Variants in COPZ2 observed in about 807,000 individuals in gnomAD.
The protein encoded by COPZ2 is coat protein complex I subunit zeta 2.
COPZ2 carries 30 observed loss-of-function variants against 33.2 expected under a neutral mutation model. The observed-to-expected ratio is 0.90, with a 90% CI of 0.68 to 1.23. The LOEUF is 1.23. Among genes scored for constraint, COPZ2 ranks in the 50% most tolerant of loss-of-function variants. The pLI is 0.00. For missense variants in COPZ2, 263 were observed against 262.4 expected, an observed-to-expected ratio of 1.00 and a Z score of -0.02; for synonymous variants, 89 against 102.6, an observed-to-expected ratio of 0.87 and a Z score of 0.80.
rs2036852402 is a variant in COPZ2 at position 48,028,893 on chromosome 17, A to G, written c.546+232T>C. Reference sequence around the variant, plus strand: ...CCCCAGTCTATACTTCCTACCAGGAAAGAGGTGAGGTACTTGTGCTCCTAG... The same window carrying G: ...CCCCAGTCTATACTTCCTACCAGGAGAGAGGTGAGGTACTTGTGCTCCTAG... On this transcript the variant is annotated intron_variant, in intron 7 of 8. Coordinates refer to ENST00000621465, the MANE Select transcript of COPZ2 (RefSeq NM_016429.4). This position sits in a 1 kb window ranked among gnomAD's most constrained non-coding sequence, Gnocchi z 4.5. Among the ~76,000 whole-genome samples, 1 of 152,118 alleles carries G rather than the reference A, an allele frequency of 6.6e-6. No individual in the cohort carries two copies. The highest frequency in any genetic ancestry group is 6.5e-5 in the Admixed American group (1 of 15,278).
chr17:48,034,052 C>A (rs1166559500), intron 2 of COPZ2, 108 bp from the exon 3 acceptor site: 1 of 718,700 alleles, frequency 1.4e-6, no homozygotes, highest in Non-Finnish European at 2.5e-6. Flanking sequence ...ATCCTGCTTC[C>A]CTGCCCCATC....
At position 48,032,690 on chromosome 17, in the gene COPZ2, A is replaced by G; in HGVS notation, c.412T>C (p.Leu138=). 1 of 1,589,758 alleles carries G rather than the reference A, an allele frequency of 6.3e-7. No homozygotes were observed. The highest frequency in any genetic ancestry group is 8.6e-7 in the Non-Finnish European group (1 of 1,167,990). ...TCLFESLNHM[L]RKNVEKRWLL... Reference sequence around the variant, plus strand: ...AGGGCAGAGAACCTCACTCACCTTAACATGTGGTTCAGAGACTCAAACAGG... The same window carrying G: ...AGGGCAGAGAACCTCACTCACCTTAGCATGTGGTTCAGAGACTCAAACAGG... The change falls in exon 5 of 9, where the codon TTA becomes CTA. Residue 138 remains leucine (L), a synonymous_variant. Transcript: ENST00000621465.
rs759741089 is a variant in COPZ2, at chr17:48,028,787, G to A, written c.547-277C>T. 3.3e-5 allele frequency among the ~76,000 whole-genome samples: 5 copies of A among 152,168 alleles called. No individual in the cohort carries two copies. The highest frequency in any genetic ancestry group is 7.4e-5 in the Non-Finnish European group (5 of 68,026). The stretch of plus-strand genomic sequence containing the variant: ...AGACATGAGAAAGCCAAACAAGGCA[G>A]GGAGGTTCTATCCATACCCCTGACC... On this transcript the variant is annotated intron_variant, in intron 7 of 8. Transcript: ENST00000621465. This position sits in a 1 kb window ranked among gnomAD's most constrained non-coding sequence, Gnocchi z 4.5.
At chr17:48,041,274 C>G (rs148771494), upstream of COPZ2, among the ~76,000 whole-genome samples, 17 of 151,992 alleles carry the variant, frequency 1.1e-4, no homozygotes, top group African/African-American at 3.1e-4. Flanking sequence ...AAATTTTGCT[C>G]TCATGGAACT....
In COPZ2 at chr17:48,033,850, G is replaced by T. The variant is rs369842292; in HGVS notation, c.268+13C>A. ...CATCTGATAGTCTGCTGGAGGAAGA[G>T]GGGGACACTTACTCTCAGTCCGGCT... On this transcript the variant is annotated intron_variant, in intron 3 of 8. Coordinates refer to ENST00000621465, the MANE Select transcript of COPZ2 (RefSeq NM_016429.4). The T allele has an allele frequency of 6.3e-7, 1 of 1,591,666 alleles. No homozygotes were observed. Among genetic ancestry groups the T allele is most frequent in the South Asian group, 1.1e-5 (1 of 88,482 alleles).
At chr17:48,042,225 C>T (rs1386659041), upstream of COPZ2, among the ~76,000 whole-genome samples, 1 of 151,936 alleles carries the variant, frequency 6.6e-6, no homozygotes, top group Non-Finnish European at 1.5e-5. Context: ...TCTCCGCCTC[C>T]CAGGTTCAGG....
At chr17:48,030,159 C>T (rs1377393279) in intron 6 of COPZ2, among the ~76,000 whole-genome samples, 2 of 147,862 alleles carry the variant, frequency 1.4e-5, no homozygotes, top group Non-Finnish European at 3.0e-5. Flanking sequence ...TGGTGGCGCA[C>T]GCCTATAATC....
At chr17:48,041,809 T>G (rs1394727735), upstream of COPZ2, among the ~76,000 whole-genome samples, 1 of 21,030 alleles carries the variant, frequency 4.8e-5, no homozygotes, top group Non-Finnish European at 8.7e-5. Context: ...AGCTAGTCCA[T>G]TTTTTTTTTT....
intron 7 of COPZ2, 30 bp downstream of exon 7, chr17:48,029,094 TA>T: frequency 6.4e-7 from 1 of 1,561,184 alleles, no homozygotes; most frequent in Non-Finnish European, 8.7e-7. Context: ...AAGGGCAGCC[TA>T]AAAGAGGAGG....
chr17:48,033,824 G>A (rs1182369409), intron 3 of COPZ2, 39 bp downstream of exon 3: 1 of 1,416,482 alleles, frequency 7.1e-7, no homozygotes, highest in South Asian at 1.2e-5. Context: ...ATGACAGTGT[G>A]CATCTGATAG....
In COPZ2 at chr17:48,029,108, T is replaced by G; in HGVS notation, c.546+17A>C. The stretch of plus-strand genomic sequence containing the variant: ...GAAGGGCAGCCTAAAAGAGGAGGTG[T>G]CCAGGAAGACTCTTACCCTAAAATT... On this transcript the variant is annotated intron_variant, in intron 7 of 8. Coordinates refer to ENST00000621465, the MANE Select transcript of COPZ2 (RefSeq NM_016429.4). 2 of 1,569,692 alleles carry G rather than the reference T, an allele frequency of 1.3e-6. No individual in the cohort carries two copies. Among genetic ancestry groups the G allele is most frequent in the Non-Finnish European group, 1.7e-6 (2 of 1,157,074 alleles).
upstream of COPZ2, among the ~76,000 whole-genome samples, chr17:48,040,799 T>C (rs1320658026): frequency 6.6e-6 from 1 of 152,030 alleles, no homozygotes; most frequent in Non-Finnish European, 1.5e-5. Flanking sequence ...GGAGATCATG[T>C]ATAAATATTC....
chr17:48,036,536 G>A (rs1175184404), intron 2 of COPZ2, among the ~76,000 whole-genome samples: 1 of 152,208 alleles, frequency 6.6e-6, no homozygotes, highest in Non-Finnish European at 1.5e-5. Context: ...GAACTTGTGT[G>A]GGGGTTTGGG....
chr17:48,046,060 A>C, the COPZ2 span: 1 of 152,050 alleles, frequency 6.6e-6, no homozygotes, highest in African/African-American at 2.4e-5. Flanking sequence ...TGCTGTTGCG[A>C]CTGAGTTTGT....
chr17:48,038,017 A>G (rs2037020958), upstream of COPZ2: 2 of 303,158 alleles, frequency 6.6e-6, no homozygotes, highest in African/African-American at 2.4e-5. Context: ...CGAACTCTGC[A>G]TCCTCAGGGT....
At chr17:48,036,427 T>A (rs1450660895) in intron 2 of COPZ2, among the ~76,000 whole-genome samples, 1 of 152,244 alleles carries the variant, frequency 6.6e-6, no homozygotes, top group Admixed American at 6.5e-5. Flanking sequence ...TAAAATCCCA[T>A]CTGGTTCTAA....
At position 48,026,370 on chromosome 17, in the gene COPZ2, G is replaced by A. The variant is rs1334231320; in HGVS notation, c.*58C>T. 1.4e-6 allele frequency: 2 copies of A among 1,410,968 alleles called. No individual in the cohort carries two copies. The highest frequency in any genetic ancestry group is 1.7e-5 in the Admixed American group (1 of 58,866). The allele number at this position is 1,410,968 out of a possible 1,614,324, so 87.4% of individuals were successfully genotyped here. A position where few individuals can be genotyped will look rare whatever the true frequency, so the allele number is the denominator to read the frequency against. ...TCTCTCCTGACCCTGGGATCTTTGGGCTTTTGCCAGGATTGGGGAAATGAT... is the reference window on the plus strand; with the variant it reads ...TCTCTCCTGACCCTGGGATCTTTGGACTTTTGCCAGGATTGGGGAAATGAT... On this transcript the variant is annotated 3_prime_UTR_variant, in exon 9 of 9. Coordinates refer to ENST00000621465, the MANE Select transcript of COPZ2 (RefSeq NM_016429.4).
intron 6 of COPZ2, among the ~76,000 whole-genome samples, chr17:48,029,923 GCGC>G (rs2036868171): frequency 6.9e-6 from 1 of 144,664 alleles, no homozygotes. Flanking sequence ...AGCCAAGATT[GCGC>G]CACTGCACTC....
the COPZ2 span, chr17:48,045,436 G>C: frequency 6.6e-6 from 1 of 152,078 alleles, no homozygotes; most frequent in Admixed American, 6.5e-5. Context: ...AGGGATGACT[G>C]CAGGATGGAT....
Sources: allele counts gnomAD v4.1 joint callset (sites outside exome capture counted in the v4.1 genomes callset), GRCh38; gene constraint gnomAD v4.1.1; non-coding constraint Gnocchi (gnomAD v3.1); transcripts MANE v1.5; gene names NCBI Gene and HGNC (gene_info 2026-07-23, HGNC 2026-07-21).